Variants in PRR27 observed in about 807,000 individuals in gnomAD.
PRR27 encodes the protein proline-rich protein 27.
In PRR27, 12 loss-of-function variants were observed where a neutral mutation model predicts 16.8. The observed-to-expected ratio is 0.71, with a 90% CI of 0.46 to 1.16. The LOEUF is 1.16. Among genes scored for constraint, PRR27 ranks in the 50% most tolerant of loss-of-function variants. The pLI, the probability that PRR27 is intolerant of heterozygous loss-of-function variation, is 0.00. For missense variants in PRR27, 277 were observed against 273.3 expected, an observed-to-expected ratio of 1.01 and a Z score of -0.10; for synonymous variants, 100 against 98.4, an observed-to-expected ratio of 1.02 and a Z score of -0.10.
rs184930608 is a variant in PRR27, at chr4:70,159,310, T to C, written c.648+410T>C. 2.6e-5 allele frequency among the ~76,000 whole-genome samples: 4 copies of C among 152,338 alleles called. No individual in the cohort carries two copies. The East Asian group carries it at 7.7e-4, about 29-fold the overall frequency. On this transcript the variant is annotated intron_variant, in intron 3 of 4. Coordinates refer to ENST00000344526, the MANE Select transcript of PRR27 (RefSeq NM_214711.4). ...CACTTTTAGAGATTTATCCATGAAG[T>C]TGTATTTACTAATAGTTTGGTTCTT...
intron 2 of PRR27, among the ~76,000 whole-genome samples, chr4:70,157,672 C>T (rs569112800): frequency 3.0e-4 from 45 of 152,074 alleles, no homozygotes; most frequent in African/African-American, 9.6e-4. Flanking sequence ...GCGCCCGCCA[C>T]CACGCCCAGC....
chr4:70,160,733 A>G (rs1043762169), intron 3 of PRR27, among the ~76,000 whole-genome samples: 2 of 64,978 alleles, frequency 3.1e-5, no homozygotes, highest in Non-Finnish European at 7.2e-5. Context: ...TAGAAAAACA[A>G]TTGTTTTCAG....
chr4:70,161,595 T>A lies in PRR27; in HGVS notation c.658T>A (p.Ter220ArgextTer17), dbSNP rs1222372097. ...PSPSLEQANQ* is the reference protein window; with the variant it reads ...PSPSLEQANQR ...TTTTAATGTTTTCTAGGCAAATCAGTGAAATTCTCTAGAAGAGTACCATGG... is the reference window on the plus strand; with the variant it reads ...TTTTAATGTTTTCTAGGCAAATCAGAGAAATTCTCTAGAAGAGTACCATGG... The change falls in exon 4 of 5, where the codon TGA becomes AGA. Residue 220 changes from the stop codon to arginine, a stop_lost. Coordinates refer to ENST00000344526, the MANE Select transcript of PRR27 (RefSeq NM_214711.4). 3 of 1,517,058 alleles carry A rather than the reference T, an allele frequency of 2.0e-6. No homozygotes were observed. Among genetic ancestry groups the A allele is most frequent in the Admixed American group, 3.4e-5 (2 of 58,050 alleles). 94.0% of individuals were successfully genotyped at this position (1,517,058 alleles called of 1,614,324 possible).
Position 70,162,092 on chromosome 4 carries a change from C to T in PRR27, c.*33+462C>T, listed in dbSNP as rs141154745. On this transcript the variant is annotated intron_variant, in intron 4 of 4. Transcript: ENST00000344526. The stretch of plus-strand genomic sequence containing the variant: ...GTCTCCCTGTCCCTACATTGTACCA[C>T]CCAAAGGCACAAACAAACAGCTCAA... Among the ~76,000 whole-genome samples, 6 of 152,288 alleles carry T rather than the reference C, an allele frequency of 3.9e-5. No individual in the cohort carries two copies. The East Asian group carries it at 1.2e-3, about 29-fold the overall frequency.
rs1442773569 is a variant in PRR27 at position 70,165,761 on chromosome 4, G to A, written c.*3100G>A. 2 of 152,064 alleles carry A rather than the reference G, an allele frequency of 1.3e-5. No individual in the cohort carries two copies. Among genetic ancestry groups the A allele is most frequent in the Non-Finnish European group, 2.9e-5 (2 of 67,956 alleles). 9.4% of individuals were successfully genotyped at this position (152,064 alleles called of 1,614,324 possible). The stretch of plus-strand genomic sequence containing the variant: ...GATATAATGTCATTGCTTACAGAAG[G>A]TGACTGATTCTTATTCAGTGCTACT... On this transcript the variant is annotated 3_prime_UTR_variant, in exon 5 of 5. Coordinates refer to ENST00000344526, the MANE Select transcript of PRR27 (RefSeq NM_214711.4).
intron 3 of PRR27, among the ~76,000 whole-genome samples, chr4:70,159,283 T>C (rs113466249): frequency 3.9e-5 from 6 of 152,332 alleles, no homozygotes; most frequent in African/African-American, 1.4e-4. Context: ...TCAGACATCA[T>C]TCACTTTTAG....
Position 70,154,254 on chromosome 4 carries a change from G to C in PRR27, c.-122G>C. Reference sequence around the variant, plus strand: ...ATTCTGTTAAGGGTCTTCCTAGACAGACTAAAAAAGCCATGTATTCTTTCG... The same window carrying C: ...ATTCTGTTAAGGGTCTTCCTAGACACACTAAAAAAGCCATGTATTCTTTCG... On this transcript the variant is annotated 5_prime_UTR_variant, in exon 1 of 5. Transcript: ENST00000344526. 1.3e-6 allele frequency: 1 copy of C among 791,880 alleles called. No individual in the cohort carries two copies. Among genetic ancestry groups the C allele is most frequent in the East Asian group, 2.7e-5 (1 of 37,104 alleles). The allele number at this position is 791,880 out of a possible 1,614,324, so 49.1% of individuals were successfully genotyped here.
rs1421887362 is a variant in PRR27 at position 70,166,325 on chromosome 4, T to C, written c.*3664T>C. 3 of 152,078 alleles carry C rather than the reference T, an allele frequency of 2.0e-5. No individual in the cohort carries two copies. Among genetic ancestry groups the C allele is most frequent in the Admixed American group, 6.6e-5 (1 of 15,252 alleles). The allele number at this position is 152,078 out of a possible 1,614,324, so 9.4% of individuals were successfully genotyped here. A position where few individuals can be genotyped will look rare whatever the true frequency, so the allele number is the denominator to read the frequency against. On this transcript the variant is annotated 3_prime_UTR_variant, in exon 5 of 5. Transcript: ENST00000344526. ...TTGCAAGTAGCCTGAATAAAACTTT[T>C]CATTATTTATATTATCACATGCATA... is the stretch of plus-strand genomic sequence containing the variant.
intron 3 of PRR27, among the ~76,000 whole-genome samples, chr4:70,160,156 C>T (rs1176877390): frequency 6.6e-6 from 1 of 152,130 alleles, no homozygotes; most frequent in Non-Finnish European, 1.5e-5. Context: ...GTAGTGAGCA[C>T]ACTACCCAAG....
At chr4:70,155,136 T>G (rs924745808) in intron 1 of PRR27, among the ~76,000 whole-genome samples, 6 of 152,224 alleles carry the variant, frequency 3.9e-5, no homozygotes, top group African/African-American at 1.4e-4. Context: ...ATTATCATCC[T>G]GTCCAAACTT....
At chr4:70,160,409 T>TTCTCTC (rs149182032) in intron 3 of PRR27, among the ~76,000 whole-genome samples, 1,840 of 106,058 alleles carry the variant, frequency 0.017, 44 homozygotes, top group African/African-American at 0.047. Flanking sequence ...TTCTGGGACT[T>TTCTCTC]TCTCTCTCTC....
chr4:70,161,543 A>C (rs998879617), intron 3 of PRR27, 43 bp from the exon 4 acceptor site: 4 of 1,302,320 alleles, frequency 3.1e-6, no homozygotes, highest in East Asian at 2.3e-5. Context: ...AATAAAGTAC[A>C]TTTGATTGTT....
Position 70,160,409 on chromosome 4 carries a change from T to TTC in PRR27, c.649-1143_649-1142dup, listed in dbSNP as rs149182032. On this transcript the variant is annotated intron_variant, in intron 3 of 4. Coordinates refer to ENST00000344526, the MANE Select transcript of PRR27 (RefSeq NM_214711.4). ...TTAACTCAGAGAATCTTCTGGGACT[T>TTC]TCTCTCTCTCTCTCTCTCTCTCTCT... 6.2e-3 allele frequency among the ~76,000 whole-genome samples: 657 copies of TTC among 106,142 alleles called. 11 individuals carry two copies. The highest frequency in any genetic ancestry group is 0.021 in the African/African-American group (554 of 26,420). 69.6% of individuals were successfully genotyped at this position (106,142 alleles called of 152,430 possible).
chr4:70,160,081 T>C (rs1055607286), intron 3 of PRR27, among the ~76,000 whole-genome samples: 2 of 152,144 alleles, frequency 1.3e-5, no homozygotes. Flanking sequence ...GGGGTACATA[T>C]GCAGATTTGT....
chr4:70,164,047 T>A lies in PRR27; in HGVS notation c.*1386T>A, dbSNP rs1279104839. On this transcript the variant is annotated 3_prime_UTR_variant, in exon 5 of 5. Transcript: ENST00000344526. ...AGCACTCTATCTAAATAAATCCCTC[T>A]TCTGCAACCCAGTGCTTTTTGTTCT... 1.3e-5 allele frequency: 2 copies of A among 152,166 alleles called. No individual in the cohort carries two copies. Among genetic ancestry groups the A allele is most frequent in the African/African-American group, 4.8e-5 (2 of 41,440 alleles). 9.4% of individuals were successfully genotyped at this position (152,166 alleles called of 1,614,324 possible).
rs1350629239 is a variant in PRR27, at chr4:70,162,719, T to G, written c.*58T>G. 1.3e-5 allele frequency: 2 copies of G among 152,214 alleles called. No homozygotes were observed. Among genetic ancestry groups the G allele is most frequent in the African/African-American group, 4.8e-5 (2 of 41,462 alleles). 9.4% of individuals were successfully genotyped at this position (152,214 alleles called of 1,614,324 possible). ...GATACTGATGCAGAAATAAGTGAAA[T>G]CTACAAAAGTTTTCTTTCTTTTCCA... is the stretch of plus-strand genomic sequence containing the variant. On this transcript the variant is annotated 3_prime_UTR_variant, in exon 5 of 5. Coordinates refer to ENST00000344526, the MANE Select transcript of PRR27 (RefSeq NM_214711.4).
chr4:70,160,906 A>G (rs1728630111), intron 3 of PRR27, among the ~76,000 whole-genome samples: 1 of 151,930 alleles, frequency 6.6e-6, no homozygotes, highest in Non-Finnish European at 1.5e-5. Flanking sequence ...AAATCCACCA[A>G]TGAATTATTT....
At chr4:70,158,244 A>G (rs1457263674) in intron 2 of PRR27, 84 bp from the exon 3 acceptor site, 1 of 837,060 alleles carries the variant, frequency 1.2e-6, no homozygotes, top group African/African-American at 1.7e-5. Flanking sequence ...ATCATTACTT[A>G]TCATATATCA....
In PRR27 at chr4:70,156,045, T is replaced by C; in HGVS notation, c.52-9T>C. The stretch of plus-strand genomic sequence containing the variant: ...TAACCGCATTAAAATATATTTTTCT[T>C]TATTTTAGAGACGGTTCCCCTTCAT... On this transcript the variant is annotated splice_polypyrimidine_tract_variant and intron_variant, in intron 1 of 4. Coordinates refer to ENST00000344526, the MANE Select transcript of PRR27 (RefSeq NM_214711.4). The C allele has an allele frequency of 2.1e-6, 3 of 1,425,890 alleles. No individual in the cohort carries two copies. Among genetic ancestry groups the C allele is most frequent in the Non-Finnish European group, 2.8e-6 (3 of 1,061,012 alleles). 88.3% of individuals were successfully genotyped at this position (1,425,890 alleles called of 1,614,324 possible).
Sources: gnomAD v4.1 joint callset for allele counts (sites outside exome capture counted in the v4.1 genomes callset) on GRCh38, gnomAD v4.1.1 for gene constraint, MANE v1.5 for transcripts, NCBI Gene and HGNC (gene_info 2026-07-23, HGNC 2026-07-21) for gene names.